ZNF804A: variants seen among roughly 807,000 people sequenced by gnomAD.
ZNF804A encodes the protein zinc finger protein 804A.
ZNF804A carries 2 observed loss-of-function variants against 16.5 expected under a neutral mutation model. That is an observed-to-expected ratio of 0.12 (90% confidence interval 0.05 to 0.38). The LOEUF (loss-of-function observed/expected upper bound fraction) is 0.38, where lower values mean the gene tolerates loss of function less well. Among genes scored for constraint, ZNF804A ranks in the 10% least tolerant of loss-of-function variants. The pLI is 0.99. For missense variants in ZNF804A, 1,473 were observed against 1,390.7 expected (o/e 1.06, Z -0.94); for synonymous variants, 534 against 489.6 (o/e 1.09, Z -1.20).
rs547556585 is a variant in ZNF804A at position 184,897,862 on chromosome 2, G to C, written c.255+31350G>C. The stretch of plus-strand genomic sequence containing the variant: ...CCTTTCTTTAGGACGCTAGAGTATG[G>C]TCTAGGCTCTTTATTCCGTGCCTCA... On this transcript the variant is annotated intron_variant, in intron 2 of 3. Transcript: ENST00000302277. Among the ~76,000 whole-genome samples the C allele has an allele frequency of 4.3e-4, 66 of 151,988 alleles. No individual in the cohort carries two copies. In the South Asian group the frequency reaches 8.5e-3, roughly 20 times the overall value.
At chr2:184,851,012 A>G (rs982471183) in intron 1 of ZNF804A, among the ~76,000 whole-genome samples, 4 of 151,714 alleles carry the variant, frequency 2.6e-5, no homozygotes, top group Non-Finnish European at 4.4e-5. Flanking sequence ...TAGTACTTCT[A>G]ATTTCTGTTC....
intron 1 of ZNF804A, among the ~76,000 whole-genome samples, chr2:184,832,590 T>G (rs1454782732): frequency 6.6e-6 from 1 of 151,972 alleles, no homozygotes; most frequent in Non-Finnish European, 1.5e-5. Flanking sequence ...ATACTCCCAG[T>G]TTATAGCATG....
chr2:184,756,468 A>G (rs1423612446), intron 1 of ZNF804A, among the ~76,000 whole-genome samples: 1 of 152,014 alleles, frequency 6.6e-6, no homozygotes, highest in Non-Finnish European at 1.5e-5. Context: ...ACACTTATAG[A>G]ATACTTTCCC....
chr2:184,624,265 T>C (rs1252905197), intron 1 of ZNF804A, among the ~76,000 whole-genome samples: 1 of 152,144 alleles, frequency 6.6e-6, no homozygotes, highest in Non-Finnish European at 1.5e-5. Flanking sequence ...ATGGTAAAAA[T>C]GGTAAATTTT....
At position 184,805,586 on chromosome 2, in the gene ZNF804A, A is replaced by G. The variant is rs189647344; in HGVS notation, c.112-60783A>G. Among the ~76,000 whole-genome samples the G allele has an allele frequency of 2.1e-3, 316 of 152,148 alleles. 1 individual carries two copies. The highest frequency in any genetic ancestry group is 7.3e-3 in the African/African-American group (304 of 41,566). ...GGAAAAGTAAGGAGATCTTAGGGGG[A>G]AAAAACAGTCACTTTATTTTTGTGG... On this transcript the variant is annotated intron_variant, in intron 1 of 3. Transcript: ENST00000302277.
intron 1 of ZNF804A, among the ~76,000 whole-genome samples, chr2:184,625,353 A>G (rs1297334060): frequency 6.6e-6 from 1 of 152,130 alleles, no homozygotes; most frequent in Non-Finnish European, 1.5e-5. Flanking sequence ...CATAAATTAG[A>G]TTCCTTGGAA....
At chr2:184,653,428 A>G (rs1225648033) in intron 1 of ZNF804A, among the ~76,000 whole-genome samples, 1 of 152,152 alleles carries the variant, frequency 6.6e-6, no homozygotes, top group East Asian at 1.9e-4. Flanking sequence ...TCCTCAGAAG[A>G]AAGTATTTTA....
intron 2 of ZNF804A, among the ~76,000 whole-genome samples, chr2:184,883,860 A>G (rs79248929): frequency 0.035 from 5,368 of 152,202 alleles, 301 homozygotes; most frequent in African/African-American, 0.12. Context: ...AAATAGGCAA[A>G]TGCTGGAAAC....
chr2:184,619,624 T>C (rs1319028252), intron 1 of ZNF804A, among the ~76,000 whole-genome samples: 1 of 152,006 alleles, frequency 6.6e-6, no homozygotes, highest in Non-Finnish European at 1.5e-5. Context: ...AAAAACATGA[T>C]TTTAAAGCAG....
chr2:184,820,220 C>T (rs1214301574), intron 1 of ZNF804A, among the ~76,000 whole-genome samples: 5 of 151,930 alleles, frequency 3.3e-5, no homozygotes, highest in Non-Finnish European at 7.4e-5. Context: ...TTATCCAGCA[C>T]GATCAAGTTG....
intron 1 of ZNF804A, among the ~76,000 whole-genome samples, chr2:184,604,234 C>T (rs576131701): frequency 2.3e-5 from 3 of 129,730 alleles, no homozygotes; most frequent in African/African-American, 8.6e-5. Flanking sequence ...GCAATGGCGC[C>T]ATCTCGGCTC....
In ZNF804A at chr2:184,937,488, A is replaced by G. The variant is rs1685811896; in HGVS notation, c.2092A>G (p.Ile698Val). 2 of 1,611,786 alleles carry G rather than the reference A, an allele frequency of 1.2e-6. No individual in the cohort carries two copies. The highest frequency in any genetic ancestry group is 1.7e-6 in the Non-Finnish European group (2 of 1,178,928). The change falls in exon 4 of 4, where the codon ATA becomes GTA. Residue 698 changes from isoleucine (I) to valine (V), a missense_variant. Physicochemically the swap from Ile to Val is conservative, Grantham distance 29. Coordinates refer to ENST00000302277, the MANE Select transcript of ZNF804A (RefSeq NM_194250.2). Reference sequence around the variant, plus strand: ...TAAAAACCACTGTAAAAAGAACACAATACTTTTAAATGGACAATCAAATGC... The same window carrying G: ...TAAAAACCACTGTAAAAAGAACACAGTACTTTTAAATGGACAATCAAATGC... ...SSKNHCKKNT[I>V]LLNGQSNATM...
intron 1 of ZNF804A, among the ~76,000 whole-genome samples, chr2:184,862,257 T>G (rs1041853928): frequency 2.0e-5 from 3 of 152,192 alleles, no homozygotes; most frequent in African/African-American, 7.2e-5. Context: ...TTAGCCACAA[T>G]GAAAGAGAGG....
At chr2:184,786,569 T>C (rs749006931) in intron 1 of ZNF804A, among the ~76,000 whole-genome samples, 10 of 151,960 alleles carry the variant, frequency 6.6e-5, no homozygotes, top group Non-Finnish European at 1.5e-4. Context: ...AAGGGCCAGG[T>C]TTTGGAATGC....
chr2:184,722,032 G>T (rs1693325369), intron 1 of ZNF804A, among the ~76,000 whole-genome samples: 1 of 151,974 alleles, frequency 6.6e-6, no homozygotes, highest in African/African-American at 2.4e-5. Context: ...AGCTAAAAGA[G>T]TTGTTCTCAT....
At chr2:184,663,009 T>C (rs922330053) in intron 1 of ZNF804A, among the ~76,000 whole-genome samples, 2 of 152,210 alleles carry the variant, frequency 1.3e-5, no homozygotes, top group Non-Finnish European at 2.9e-5. Context: ...TGATGTAGTA[T>C]TAGTGATGGC....
chr2:184,688,413 T>C (rs537396006), intron 1 of ZNF804A, among the ~76,000 whole-genome samples: 3 of 152,070 alleles, frequency 2.0e-5, no homozygotes, highest in African/African-American at 7.2e-5. Flanking sequence ...TAATATTTGG[T>C]ATATATAATC....
chr2:184,820,519 A>T (rs772701252), intron 1 of ZNF804A, among the ~76,000 whole-genome samples: 6 of 151,960 alleles, frequency 3.9e-5, no homozygotes, highest in Non-Finnish European at 7.4e-5. Context: ...GAAAAGGATG[A>T]CCTCTCTCAC....
intron 2 of ZNF804A, among the ~76,000 whole-genome samples, chr2:184,895,951 T>C (rs566627522): frequency 1.3e-5 from 2 of 152,316 alleles, no homozygotes; most frequent in South Asian, 4.1e-4. Flanking sequence ...TAAAGTTTAA[T>C]TAGAAATATG....
Sources: gnomAD v4.1 joint callset for allele counts (sites outside exome capture counted in the v4.1 genomes callset) on GRCh38, gnomAD v4.1.1 for gene constraint, MANE v1.5 for transcripts, NCBI Gene and HGNC (gene_info 2026-07-23, HGNC 2026-07-21) for gene names.